The following CEP57 variants were observed in gnomAD, a reference collection of about 807,000 sequenced individuals.
The protein encoded by CEP57 is centrosomal protein 57.
A neutral mutation model predicts 68.0 loss-of-function variants in CEP57; 40 were observed. The ratio of observed to expected loss-of-function variants is 0.59; its 90% CI spans 0.46 to 0.77. CEP57 has a LOEUF of 0.77. Among genes scored for constraint, CEP57 ranks in the 30% least tolerant of loss-of-function variants. The pLI is 0.00. For synonymous variants in CEP57, 219 were observed against 198.7 expected, an observed-to-expected ratio of 1.10 and a Z score of -0.86; for missense variants, 606 against 580.7, an observed-to-expected ratio of 1.04 and a Z score of -0.45.
intron 2 of CEP57, among the ~76,000 whole-genome samples, chr11:95,812,183 T>C (rs890766674): frequency 6.6e-6 from 1 of 152,106 alleles, no homozygotes; most frequent in Non-Finnish European, 1.5e-5. Flanking sequence ...AACTCTATAG[T>C]TGGTTTCTAC....
chr11:95,790,495 G>C (rs747590379), upstream of CEP57: 1 of 611,648 alleles, frequency 1.6e-6, no homozygotes, highest in Non-Finnish European at 2.9e-6. Flanking sequence ...AGGACGTGTT[G>C]CCCTTTCTGT....
At chr11:95,807,065 T>G (rs1266410964) in intron 2 of CEP57, among the ~76,000 whole-genome samples, 1 of 152,182 alleles carries the variant, frequency 6.6e-6, no homozygotes, top group African/African-American at 2.4e-5. Context: ...TTCTGCAATA[T>G]TTGCTTTTCT....
chr11:95,795,830 T>G (rs1023290971), intron 1 of CEP57, among the ~76,000 whole-genome samples: 2 of 151,956 alleles, frequency 1.3e-5, no homozygotes, highest in African/African-American at 4.8e-5. Flanking sequence ...TTCTCCAATT[T>G]TATTTCCTCA....
In CEP57 at chr11:95,822,565, G is replaced by A; in HGVS notation, c.874G>A (p.Val292Ile). Residue 292 changes from valine (V) to isoleucine (I), a missense_variant, in exon 8 of 11, where the codon GTA becomes ATA. Coordinates refer to ENST00000325542, the MANE Select transcript of CEP57 (RefSeq NM_014679.5). ...ATTATGCTTGGGTGATATGCCATTT[G>A]TAGCTGGGAAGGTGAGTTGGTCAAA... is the stretch of plus-strand genomic sequence containing the variant. The part of the protein sequence containing the change: ...YRLCLGDMPF[V>I]AGKSTSPSHA... 6.2e-7 allele frequency: 1 copy of A among 1,613,566 alleles called. No homozygotes were observed. The highest frequency in any genetic ancestry group is 1.1e-5 in the South Asian group (1 of 91,070).
At chr11:95,816,768 T>G (rs1862312984) in intron 4 of CEP57, among the ~76,000 whole-genome samples, 1 of 152,214 alleles carries the variant, frequency 6.6e-6, no homozygotes, top group Admixed American at 6.5e-5. Flanking sequence ...GAAATTATCC[T>G]AGTATAATGG....
intron 2 of CEP57, among the ~76,000 whole-genome samples, chr11:95,805,478 C>T (rs1861759915): frequency 6.6e-6 from 1 of 152,058 alleles, no homozygotes; most frequent in African/African-American, 2.4e-5. Flanking sequence ...GTATTAGTCT[C>T]CTATTTGAGA....
intron 2 of CEP57, among the ~76,000 whole-genome samples, chr11:95,802,464 A>C (rs1471617469): frequency 6.6e-6 from 1 of 152,076 alleles, no homozygotes; most frequent in South Asian, 2.1e-4. Flanking sequence ...CATGTTGGCC[A>C]GGATGGTCTC....
chr11:95,790,722 G>A lies in CEP57; in HGVS notation c.24G>A (p.Ala8=), dbSNP rs754459791. Residue 8 remains alanine, a synonymous_variant, in exon 1 of 11, where the codon GCG becomes GCA. Transcript: ENST00000325542. ...AGATGGCGGCGGCGTCTGTCTCTGCGGCTTCTGGTTCTCACTTGTCGGTAA... is the reference window on the plus strand; with the variant it reads ...AGATGGCGGCGGCGTCTGTCTCTGCAGCTTCTGGTTCTCACTTGTCGGTAA... MAAASVS[A]ASGSHLSNSF... is the part of the protein sequence containing the mutation. 8 of 1,614,104 alleles carry A rather than the reference G, an allele frequency of 5.0e-6. No individual in the cohort carries two copies. In the South Asian group the frequency reaches 8.8e-5, roughly 18 times the overall value.
intron 4 of CEP57, among the ~76,000 whole-genome samples, chr11:95,817,571 A>G (rs1319482942): frequency 1.3e-5 from 2 of 152,192 alleles, no homozygotes; most frequent in African/African-American, 2.4e-5. Context: ...ATAAAACTAC[A>G]TATTAGGTAA....
chr11:95,820,361 G>A (rs192952636), intron 6 of CEP57, among the ~76,000 whole-genome samples: 2 of 152,134 alleles, frequency 1.3e-5, no homozygotes. Flanking sequence ...GTTAAAGAGT[G>A]GTCTGCTGAG....
chr11:95,809,941 A>G (rs1056884833), intron 2 of CEP57, among the ~76,000 whole-genome samples: 2 of 152,220 alleles, frequency 1.3e-5, no homozygotes, highest in African/African-American at 4.8e-5. Flanking sequence ...CATTGATGCA[A>G]AAATCCTCAA....
intron 9 of CEP57, 116 bp from the exon 10 acceptor site, chr11:95,829,071 T>C: frequency 8.8e-7 from 1 of 1,136,128 alleles, no homozygotes; most frequent in Non-Finnish European, 1.3e-6. Context: ...ATTGCTCTGT[T>C]CAAAAAATGG....
chr11:95,807,468 T>C (rs1861855575), intron 2 of CEP57, among the ~76,000 whole-genome samples: 1 of 151,902 alleles, frequency 6.6e-6, no homozygotes, highest in Non-Finnish European at 1.5e-5. Context: ...CTAAAAACCT[T>C]GAAAAAAGAT....
chr11:95,798,403 A>T lies in CEP57; in HGVS notation c.46-829A>T, dbSNP rs188594801. On this transcript the variant is annotated intron_variant, in intron 1 of 10. Coordinates refer to ENST00000325542, the MANE Select transcript of CEP57 (RefSeq NM_014679.5). ...ATTGTGCTCTTGTACTTTTATGAAC[A>T]CGGATTATTCTGGTAAATGTAAATC... Among the ~76,000 whole-genome samples the T allele has an allele frequency of 2.7e-3, 418 of 152,320 alleles. 3 individuals carry two copies. The highest frequency in any genetic ancestry group is 4.5e-3 in the Non-Finnish European group (309 of 68,034).
At chr11:95,830,769 G>C (rs1336565256) in intron 10 of CEP57, among the ~76,000 whole-genome samples, 2 of 151,712 alleles carry the variant, frequency 1.3e-5, no homozygotes, top group Non-Finnish European at 2.9e-5. Flanking sequence ...AGGACAACCA[G>C]AATTTGTTTA....
At chr11:95,802,255 ATTTTTTTTT>A (rs1054489399) in intron 2 of CEP57, among the ~76,000 whole-genome samples, 1 of 138,252 alleles carries the variant, frequency 7.2e-6, no homozygotes, top group Admixed American at 7.3e-5. Flanking sequence ...ACGTGACATG[ATTTTTTTTT>A]TTTTTTTTTT....
At chr11:95,805,437 A>G (rs1022076807) in intron 2 of CEP57, among the ~76,000 whole-genome samples, 1 of 152,126 alleles carries the variant, frequency 6.6e-6, no homozygotes, top group Admixed American at 6.5e-5. Flanking sequence ...CTCATTGCAT[A>G]CCAGCAAGAA....
At chr11:95,809,495 C>G (rs1861955471) in intron 2 of CEP57, among the ~76,000 whole-genome samples, 1 of 152,034 alleles carries the variant, frequency 6.6e-6, no homozygotes, top group Admixed American at 6.6e-5. Context: ...CAAATAGATG[C>G]AATAAAAAAT....
intron 1 of CEP57, among the ~76,000 whole-genome samples, chr11:95,796,666 T>G (rs1407295982): frequency 6.6e-6 from 1 of 152,198 alleles, no homozygotes; most frequent in Non-Finnish European, 1.5e-5. Context: ...CTGGGTGTAC[T>G]ACAATTATTT....
Sources: gnomAD v4.1 joint callset for allele counts (sites outside exome capture counted in the v4.1 genomes callset) on GRCh38, gnomAD v4.1.1 for gene constraint, MANE v1.5 for transcripts, NCBI Gene and HGNC (gene_info 2026-07-23, HGNC 2026-07-21) for gene names.